ARHGAP15: variants seen among roughly 807,000 people sequenced by gnomAD.
ARHGAP15 encodes the protein Rho GTPase activating protein 15, also known as rho GTPase-activating protein 15.
A neutral mutation model predicts 63.7 loss-of-function variants in ARHGAP15; 51 were observed. That is an observed-to-expected ratio of 0.80 (90% CI 0.64 to 1.01). The LOEUF is 1.01. Ranked by LOEUF, ARHGAP15 falls within the 50% of genes least tolerant of loss-of-function variation. ARHGAP15 has a pLI of 0.00. For synonymous variants in ARHGAP15, 191 were observed against 193.8 expected (o/e 0.99, Z 0.12); for missense variants, 560 against 564.6 (o/e 0.99, Z 0.08).
chr2:143,415,334 C>G (rs1015527152), intron 6 of ARHGAP15, among the ~76,000 whole-genome samples: 1 of 151,850 alleles, frequency 6.6e-6, no homozygotes. Flanking sequence ...TTTAAAACCT[C>G]TTTGTGACTA....
At chr2:143,339,044 T>C (rs924259788) in intron 6 of ARHGAP15, among the ~76,000 whole-genome samples, 2 of 151,682 alleles carry the variant, frequency 1.3e-5, no homozygotes, top group African/African-American at 4.8e-5. Flanking sequence ...TAGCTATCCA[T>C]TTTTTTTCAT....
chr2:143,610,592 A>C (rs906805322), intron 11 of ARHGAP15, among the ~76,000 whole-genome samples: 1 of 152,162 alleles, frequency 6.6e-6, no homozygotes, highest in African/African-American at 2.4e-5. Context: ...CATTCCTCTC[A>C]ACTTTAGGTG....
chr2:143,472,664 A>T (rs894700784), intron 8 of ARHGAP15, among the ~76,000 whole-genome samples: 11 of 152,004 alleles, frequency 7.2e-5, no homozygotes, highest in African/African-American at 2.7e-4. Context: ...CTTTTCAGCT[A>T]AGCTAGTGAA....
At chr2:143,359,971 T>TA (rs1170406976) in intron 6 of ARHGAP15, among the ~76,000 whole-genome samples, 1 of 152,094 alleles carries the variant, frequency 6.6e-6, no homozygotes, top group Non-Finnish European at 1.5e-5. Context: ...GCTAATTACA[T>TA]AGAGTTTCAA....
chr2:143,418,372 A>G (rs1688774848), intron 6 of ARHGAP15, among the ~76,000 whole-genome samples: 1 of 152,174 alleles, frequency 6.6e-6, no homozygotes, highest in Non-Finnish European at 1.5e-5. Flanking sequence ...TCAAATACCT[A>G]AGGCTAAGTG....
intron 6 of ARHGAP15, among the ~76,000 whole-genome samples, chr2:143,392,025 A>C (rs2104970898): frequency 6.6e-6 from 1 of 152,114 alleles, no homozygotes; most frequent in Non-Finnish European, 1.5e-5. Flanking sequence ...ACTGGCTTTG[A>C]CAAAAAAAAC....
intron 1 of ARHGAP15, among the ~76,000 whole-genome samples, chr2:143,142,056 T>C (rs1259176637): frequency 6.6e-6 from 1 of 152,122 alleles, no homozygotes; most frequent in Non-Finnish European, 1.5e-5. Context: ...TTATGAATTT[T>C]CAAGAGAAGA....
At chr2:143,489,371 A>C (rs528389962) in intron 9 of ARHGAP15, among the ~76,000 whole-genome samples, 1 of 152,338 alleles carries the variant, frequency 6.6e-6, no homozygotes, top group East Asian at 1.9e-4. Flanking sequence ...GTCAGTATTC[A>C]TTAGTAGGGC....
chr2:143,259,604 A>G (rs964202702), intron 6 of ARHGAP15, among the ~76,000 whole-genome samples: 1 of 152,078 alleles, frequency 6.6e-6, no homozygotes, highest in Non-Finnish European at 1.5e-5. Context: ...GGCTTCTCTG[A>G]TTCGGTTTGA....
intron 6 of ARHGAP15, among the ~76,000 whole-genome samples, chr2:143,273,990 T>A (rs143899154): frequency 6.6e-6 from 1 of 152,326 alleles, no homozygotes; most frequent in East Asian, 1.9e-4. Flanking sequence ...CTGAATTTGA[T>A]ACATGAACTT....
chr2:143,556,640 A>G (rs965973875), intron 11 of ARHGAP15, among the ~76,000 whole-genome samples, 155 bp downstream of exon 11: 1 of 152,136 alleles, frequency 6.6e-6, no homozygotes, highest in Non-Finnish European at 1.5e-5. Context: ...GTAAAAGATA[A>G]CCAACTAGTT....
chr2:143,737,745 T>TA (rs1469368971), intron 13 of ARHGAP15, among the ~76,000 whole-genome samples: 1 of 151,072 alleles, frequency 6.6e-6, no homozygotes, highest in Non-Finnish European at 1.5e-5. Context: ...TTTATTTATT[T>TA]ATTTATTTAT....
intron 12 of ARHGAP15, among the ~76,000 whole-genome samples, chr2:143,668,562 A>G (rs1037755013): frequency 2.3e-5 from 2 of 85,384 alleles, no homozygotes; most frequent in Admixed American, 1.2e-4. Context: ...TGCAGGTGCA[A>G]TTAGCTAGTT....
At chr2:143,649,476 C>G (rs902677784) in intron 12 of ARHGAP15, among the ~76,000 whole-genome samples, 1 of 151,860 alleles carries the variant, frequency 6.6e-6, no homozygotes, top group Admixed American at 6.6e-5. Flanking sequence ...GAGTTTATAA[C>G]GCAAATGTAA....
At position 143,693,719 on chromosome 2, in the gene ARHGAP15, G is replaced by A. The variant is rs73961839; in HGVS notation, c.1139-9700G>A. Among the ~76,000 whole-genome samples, 785 of 152,228 alleles carry A rather than the reference G, an allele frequency of 5.2e-3. 4 individuals carry two copies. The highest frequency in any genetic ancestry group is 0.018 in the African/African-American group (751 of 41,540). On this transcript the variant is annotated intron_variant, in intron 12 of 13. Transcript: ENST00000295095. ...ACGTATTAATGTATGTCATTAGGAC[G>A]TTGATAGTTAGGGATAGAATCCAAG...
At chr2:143,199,661 C>G (rs1480294732) in intron 2 of ARHGAP15, among the ~76,000 whole-genome samples, 1 of 152,000 alleles carries the variant, frequency 6.6e-6, no homozygotes, top group Non-Finnish European at 1.5e-5. Context: ...TGCTCACATC[C>G]CTTGATCTGA....
chr2:143,668,604 A>T (rs775248066), intron 12 of ARHGAP15, among the ~76,000 whole-genome samples: 9 of 152,206 alleles, frequency 5.9e-5, no homozygotes, highest in Non-Finnish European at 1.2e-4. Flanking sequence ...CTTCTTTTTT[A>T]TACAGCCTAC....
intron 6 of ARHGAP15, among the ~76,000 whole-genome samples, chr2:143,371,906 T>C (rs2104915904): frequency 6.6e-6 from 1 of 152,228 alleles, no homozygotes; most frequent in South Asian, 2.1e-4. Context: ...CTCCTTTGAC[T>C]TTTACAAAAA....
intron 12 of ARHGAP15, among the ~76,000 whole-genome samples, chr2:143,655,045 G>A (rs771637162): frequency 1.3e-5 from 2 of 152,080 alleles, no homozygotes; most frequent in Non-Finnish European, 2.9e-5. Context: ...CAGCCTGGGC[G>A]ATATAGCAAG....
Sources: gnomAD v4.1 joint callset for allele counts (sites outside exome capture counted in the v4.1 genomes callset) on GRCh38, gnomAD v4.1.1 for gene constraint, MANE v1.5 for transcripts, NCBI Gene and HGNC (gene_info 2026-07-23, HGNC 2026-07-21) for gene names.